The following LRRC38 variants were observed in gnomAD, a reference collection of about 807,000 sequenced individuals.
LRRC38 encodes the protein leucine rich repeat containing 38, also known as leucine-rich repeat-containing protein 38.
LRRC38 carries 5 observed loss-of-function variants against 16.4 expected under a neutral mutation model. The observed-to-expected ratio is 0.31, with a 90% confidence interval of 0.16 to 0.64. The LOEUF (loss-of-function observed/expected upper bound fraction) is 0.64, where lower values mean the gene tolerates loss of function less well. Among genes scored for constraint, LRRC38 ranks in the 30% least tolerant of loss-of-function variants. LRRC38 has a pLI of 0.80. For missense variants in LRRC38, 341 were observed against 401.8 expected (o/e 0.85, Z 1.29); for synonymous variants, 191 against 190.2 (o/e 1.00, Z -0.04).
intron 1 of LRRC38, among the ~76,000 whole-genome samples, chr1:13,491,238 A>C (rs1639008190): frequency 6.6e-6 from 1 of 152,252 alleles, no homozygotes; most frequent in South Asian, 2.1e-4. Context: ...CAGCACCCAC[A>C]ACACAGAAGT....
Position 13,486,355 on chromosome 1 carries a change from A to C in LRRC38, c.632-10256T>G, listed in dbSNP as rs185202691. ...GGATGATCTCATCTCCAGATCCTTC[A>C]TTTAATTACATTTGCAAAGACCCTT... On this transcript the variant is annotated intron_variant, in intron 1 of 1. Coordinates refer to ENST00000376085, the MANE Select transcript of LRRC38 (RefSeq NM_001010847.2). Among the ~76,000 whole-genome samples the C allele has an allele frequency of 5.9e-5, 9 of 152,260 alleles. No homozygotes were observed. The East Asian group carries it at 1.7e-3, about 29-fold the overall frequency.
At chr1:13,479,576 T>A (rs1346410366) in intron 1 of LRRC38, among the ~76,000 whole-genome samples, 1 of 152,228 alleles carries the variant, frequency 6.6e-6, no homozygotes, top group Non-Finnish European at 1.5e-5. Context: ...TCATCTCACA[T>A]TTCTCCGTGG....
At chr1:13,494,254 C>G (rs977589688) in intron 1 of LRRC38, among the ~76,000 whole-genome samples, 3 of 152,156 alleles carry the variant, frequency 2.0e-5, no homozygotes, top group African/African-American at 7.2e-5. Context: ...TCAGTTCCAC[C>G]CACGTTCAGC....
chr1:13,512,182 C>T, intron 1 of LRRC38, among the ~76,000 whole-genome samples: 1 of 152,158 alleles, frequency 6.6e-6, no homozygotes, highest in South Asian at 2.1e-4. Context: ...GGGTGCTCAT[C>T]CCTGTGGATG....
At chr1:13,504,749 GAGGGGAGGGGAGGGGAAGGGAGGGA>G in intron 1 of LRRC38, among the ~76,000 whole-genome samples, 1 of 89,180 alleles carries the variant, frequency 1.1e-5, no homozygotes, top group Admixed American at 1.3e-4. Context: ...GAAGGGAGGG[GAGGGGAGGGGAGGGGAAGGGAGGGA>G]AGGGGAGAGG....
chr1:13,512,580 ACT>A (rs1232605719), intron 1 of LRRC38, among the ~76,000 whole-genome samples: 4 of 152,202 alleles, frequency 2.6e-5, no homozygotes, highest in African/African-American at 9.6e-5. Context: ...CGTGCACGGT[ACT>A]GAGAATACGG....
chr1:13,493,779 T>G (rs904020476), intron 1 of LRRC38, among the ~76,000 whole-genome samples: 1 of 152,060 alleles, frequency 6.6e-6, no homozygotes, highest in African/African-American at 2.4e-5. Context: ...TAAGACACAC[T>G]TTGGGCTGGG....
Position 13,477,084 on chromosome 1 carries a change from G to A in LRRC38, c.632-985C>T, listed in dbSNP as rs575602811. ...CGCCCCACTGCACTCTAGACTGGGCGACAGAGCGAGACTCCATCTCAAAAA... is the reference window on the plus strand; with the variant it reads ...CGCCCCACTGCACTCTAGACTGGGCAACAGAGCGAGACTCCATCTCAAAAA... On this transcript the variant is annotated intron_variant, in intron 1 of 1. Coordinates refer to ENST00000376085, the MANE Select transcript of LRRC38 (RefSeq NM_001010847.2). Among the ~76,000 whole-genome samples the A allele has an allele frequency of 5.3e-5, 8 of 152,148 alleles. 1 individual carries two copies. The highest frequency in any genetic ancestry group is 7.2e-5 in the African/African-American group (3 of 41,506).
intron 1 of LRRC38, among the ~76,000 whole-genome samples, chr1:13,497,701 C>T (rs1230032555): frequency 6.6e-6 from 1 of 151,982 alleles, no homozygotes; most frequent in Non-Finnish European, 1.5e-5. Flanking sequence ...TTGGGCCAAG[C>T]ACGGTGGCTC....
At chr1:13,476,961 C>G (rs564272612) in intron 1 of LRRC38, among the ~76,000 whole-genome samples, 95 of 152,166 alleles carry the variant, frequency 6.2e-4, no homozygotes, top group Middle Eastern at 3.4e-3. Context: ...CAAAATTAGC[C>G]GGGCATGGTG....
chr1:13,491,520 A>G (rs939529787), intron 1 of LRRC38, among the ~76,000 whole-genome samples: 2 of 152,102 alleles, frequency 1.3e-5, no homozygotes, highest in African/African-American at 4.8e-5. Flanking sequence ...TTGTAGAGAT[A>G]GGGTTTAGCC....
intron 1 of LRRC38, among the ~76,000 whole-genome samples, chr1:13,477,590 C>T (rs1057249586): frequency 6.6e-6 from 1 of 152,132 alleles, no homozygotes; most frequent in African/African-American, 2.4e-5. Flanking sequence ...ATAATCCCAA[C>T]ACCTTGGGAG....
chr1:13,504,980 G>A (rs184365285), intron 1 of LRRC38, among the ~76,000 whole-genome samples: 14 of 152,232 alleles, frequency 9.2e-5, no homozygotes, highest in Admixed American at 7.8e-4. Flanking sequence ...CTGCTCCCAC[G>A]ACTTCCTGGG....
At chr1:13,491,951 C>T (rs537360816) in intron 1 of LRRC38, among the ~76,000 whole-genome samples, 3 of 152,190 alleles carry the variant, frequency 2.0e-5, no homozygotes, top group Admixed American at 6.5e-5. Context: ...GCTGGGATTA[C>T]AGGTGTGAGC....
At chr1:13,497,177 C>T (rs890062386) in intron 1 of LRRC38, among the ~76,000 whole-genome samples, 5 of 152,062 alleles carry the variant, frequency 3.3e-5, no homozygotes, top group Non-Finnish European at 5.9e-5. Flanking sequence ...CTTCATGATA[C>T]GGGAGCCCCT....
intron 1 of LRRC38, among the ~76,000 whole-genome samples, chr1:13,494,826 T>A (rs967237201): frequency 6.6e-6 from 1 of 152,202 alleles, no homozygotes; most frequent in African/African-American, 2.4e-5. Context: ...TACATGACCC[T>A]ACAGTCTAAG....
intron 1 of LRRC38, among the ~76,000 whole-genome samples, chr1:13,486,392 G>A (rs1638934378): frequency 6.6e-6 from 1 of 151,984 alleles, no homozygotes. Context: ...TTCCAAATAA[G>A]GTCACATTCA....
intron 1 of LRRC38, among the ~76,000 whole-genome samples, chr1:13,512,290 G>A (rs962208483): frequency 1.3e-5 from 2 of 152,198 alleles, no homozygotes; most frequent in Admixed American, 6.5e-5. Context: ...CATCTGCCAA[G>A]TGAGTTTTTA....
intron 1 of LRRC38, among the ~76,000 whole-genome samples, chr1:13,491,350 C>G (rs939509583): frequency 1.3e-5 from 2 of 152,102 alleles, no homozygotes; most frequent in Non-Finnish European, 2.9e-5. Flanking sequence ...ATTTTTTAGA[C>G]AGGGTCTTAC....
Sources: allele counts gnomAD v4.1 joint callset (sites outside exome capture counted in the v4.1 genomes callset), GRCh38; gene constraint gnomAD v4.1.1; transcripts MANE v1.5; gene names NCBI Gene and HGNC (gene_info 2026-07-23, HGNC 2026-07-21).